Variants in VGLL4 observed in about 807,000 individuals in gnomAD.
VGLL4 encodes vestigial like family member 4.
Under a neutral mutation model 21.0 loss-of-function variants are expected in VGLL4, and 7 were observed. The observed-to-expected ratio is 0.33, with a 90% confidence interval of 0.19 to 0.63. The LOEUF is 0.63. Ranked by LOEUF, VGLL4 falls within the 20% of genes least tolerant of loss-of-function variation. VGLL4 has a pLI of 0.78. For synonymous variants in VGLL4, 222 were observed against 173.2 expected (o/e 1.28, Z -2.21); for missense variants, 394 against 425.7 (o/e 0.93, Z 0.66).
At chr3:11,637,297 C>T (rs1175225419) in intron 1 of VGLL4, among the ~76,000 whole-genome samples, 1 of 152,136 alleles carries the variant, frequency 6.6e-6, no homozygotes, top group Non-Finnish European at 1.5e-5. Context: ...CATTATAAAA[C>T]ATGTTGAGAG....
chr3:11,660,110 G>T (rs2076017012), intron 2 of VGLL4, among the ~76,000 whole-genome samples: 2 of 151,588 alleles, frequency 1.3e-5, no homozygotes, highest in African/African-American at 4.9e-5. Context: ...TGCAGTGAGT[G>T]GAGATCGCGC....
At chr3:11,662,429 GA>G (rs1053472935) in intron 2 of VGLL4, among the ~76,000 whole-genome samples, 1 of 152,190 alleles carries the variant, frequency 6.6e-6, no homozygotes, top group African/African-American at 2.4e-5. Flanking sequence ...GCAAACAACT[GA>G]AAAATTATTC....
intron 2 of VGLL4, among the ~76,000 whole-genome samples, chr3:11,679,461 G>T (rs2125378505): frequency 6.6e-6 from 1 of 152,280 alleles, no homozygotes; most frequent in South Asian, 2.1e-4. Flanking sequence ...GAGGCGGGCG[G>T]ATCATGAGGT....
rs138837779 is a variant in VGLL4, at chr3:11,561,827, C to T, written c.496-2372G>A. ...GACTGTCCTCAGACAGAGGCTGCCC[C>T]GGGGGAGAGGGCTCCCACCACCTCT... is the stretch of plus-strand genomic sequence containing the variant. On this transcript the variant is annotated intron_variant, in intron 3 of 4. Transcript: ENST00000430365. 4.5e-3 allele frequency among the ~76,000 whole-genome samples: 682 copies of T among 150,322 alleles called. 6 individuals carry two copies. Among genetic ancestry groups the T allele is most frequent in the African/African-American group, 0.016 (645 of 41,020 alleles).
In VGLL4 at chr3:11,569,427, C is replaced by T. The variant is rs73023112; in HGVS notation, c.273-4408G>A. 5.4e-4 allele frequency among the ~76,000 whole-genome samples: 82 copies of T among 152,348 alleles called. 1 individual carries two copies. Among genetic ancestry groups the T allele is most frequent in the Admixed American group, 1.4e-3 (22 of 15,308 alleles). The stretch of plus-strand genomic sequence containing the variant: ...AGATGAGGCCCAGGGCAGCCTTGGG[C>T]CCTGGCCTCCCAAAAACCAACATCC... On this transcript the variant is annotated intron_variant, in intron 2 of 4. Coordinates refer to ENST00000430365, the MANE Select transcript of VGLL4 (RefSeq NM_001128219.3).
intron 1 of VGLL4, chr3:11,627,228 A>ACTCTCTCTCTCTCTCTCTCT (rs1412462202): frequency 5.3e-4 from 65 of 123,448 alleles, no homozygotes; most frequent in African/African-American, 2.5e-3. Context: ...ACACACACAC[A>ACTCTCTCTCTCTCTCTCTCT]CACTCTCTCT....
At chr3:11,563,709 A>G (rs2073251378) in intron 3 of VGLL4, among the ~76,000 whole-genome samples, 1 of 152,248 alleles carries the variant, frequency 6.6e-6, no homozygotes, top group African/African-American at 2.4e-5. Flanking sequence ...CAAAAACTGC[A>G]TCTTGCTTGA....
chr3:11,707,327 CAAAAAAAAAA>C (rs34222383), intron 1 of VGLL4, among the ~76,000 whole-genome samples: 2 of 43,028 alleles, frequency 4.6e-5, no homozygotes, highest in African/African-American at 9.8e-5. Flanking sequence ...GACCCTGCCT[CAAAAAAAAAA>C]AAAAAAAAAA....
rs1006127787 is a variant in VGLL4, at chr3:11,558,237, A to T, written c.*319T>A. The T allele has an allele frequency of 3.9e-5, 16 of 410,082 alleles. No individual in the cohort carries two copies. Among genetic ancestry groups the T allele is most frequent in the Non-Finnish European group, 1.3e-5 (3 of 227,934 alleles). 25.4% of individuals were successfully genotyped at this position (410,082 alleles called of 1,614,324 possible). A position where few individuals can be genotyped will look rare whatever the true frequency, so the allele number is the denominator to read the frequency against. On this transcript the variant is annotated 3_prime_UTR_variant, in exon 5 of 5. Coordinates refer to ENST00000430365, the MANE Select transcript of VGLL4 (RefSeq NM_001128219.3). ...ATTCATCATGGCTTGTGACTGAGAAAGCGCTGTGGAGTCCTGGCCCCGTCG... is the reference window on the plus strand; with the variant it reads ...ATTCATCATGGCTTGTGACTGAGAATGCGCTGTGGAGTCCTGGCCCCGTCG...
intron 1 of VGLL4, among the ~76,000 whole-genome samples, chr3:11,603,892 G>A (rs1247334738): frequency 1.3e-5 from 2 of 152,208 alleles, no homozygotes; most frequent in African/African-American, 4.8e-5. Context: ...ACACTGTGAC[G>A]CGGAAAGCAA....
At chr3:11,670,082 G>A (rs1170179140) in intron 2 of VGLL4, among the ~76,000 whole-genome samples, 1 of 151,904 alleles carries the variant, frequency 6.6e-6, no homozygotes, top group Non-Finnish European at 1.5e-5. Flanking sequence ...ATTATGTATG[G>A]GAGGAGGGTG....
chr3:11,676,819 G>T (rs971391838), intron 2 of VGLL4, among the ~76,000 whole-genome samples: 1 of 151,992 alleles, frequency 6.6e-6, no homozygotes, highest in African/African-American at 2.4e-5. Flanking sequence ...AAAGGGTAAC[G>T]GATTAATAAG....
At chr3:11,661,807 G>A (rs144438561) in intron 2 of VGLL4, among the ~76,000 whole-genome samples, 1 of 152,250 alleles carries the variant, frequency 6.6e-6, no homozygotes, top group African/African-American at 2.4e-5. Flanking sequence ...TTAAAAAATA[G>A]GCATAGCCTC....
chr3:11,644,730 C>T (rs1359784706), upstream of VGLL4, among the ~76,000 whole-genome samples: 2 of 151,106 alleles, frequency 1.3e-5, no homozygotes, highest in Non-Finnish European at 2.9e-5. Flanking sequence ...CCTGTAGTCC[C>T]AGCTACTCAG....
exon 2 of VGLL4, chr3:11,702,971 G>A (rs752998676): frequency 3.1e-5 from 50 of 1,610,668 alleles, no homozygotes; most frequent in Non-Finnish European, 3.8e-5. Context: ...CCTCACTTAC[G>A]TTTTTCGTCA....
intron 2 of VGLL4, among the ~76,000 whole-genome samples, chr3:11,598,424 C>T (rs952437870): frequency 6.6e-6 from 1 of 152,100 alleles, no homozygotes; most frequent in Admixed American, 6.6e-5. Flanking sequence ...GCAGCCAAAC[C>T]GTGCACCTTT....
At chr3:11,660,438 C>T (rs545840131) in intron 2 of VGLL4, among the ~76,000 whole-genome samples, 1 of 152,142 alleles carries the variant, frequency 6.6e-6, no homozygotes, top group Non-Finnish European at 1.5e-5. Context: ...GGGCAAAGGC[C>T]TTTGCTTATT....
At chr3:11,590,683 T>TCC (rs2074472520) in intron 2 of VGLL4, among the ~76,000 whole-genome samples, 1 of 151,090 alleles carries the variant, frequency 6.6e-6, no homozygotes, top group Non-Finnish European at 1.5e-5. Flanking sequence ...TGTGTGTGTG[T>TCC]GTGTGTGTGT....
At chr3:11,569,006 G>C (rs939441579) in intron 2 of VGLL4, 23 of 987,544 alleles carry the variant, frequency 2.3e-5, no homozygotes, top group Non-Finnish European at 2.8e-5. Context: ...ATCCAGGACA[G>C]AGCTTTCTGA....
Sources: allele counts gnomAD v4.1 joint callset (sites outside exome capture counted in the v4.1 genomes callset), GRCh38; gene constraint gnomAD v4.1.1; transcripts MANE v1.5; gene names NCBI Gene and HGNC (gene_info 2026-07-23, HGNC 2026-07-21).